NECTIN1: variants seen among roughly 807,000 people sequenced by gnomAD.
NECTIN1 encodes nectin-1.
NECTIN1 carries 23 observed loss-of-function variants against 48.0 expected under a neutral mutation model. The ratio of observed to expected loss-of-function variants is 0.48; its 90% CI spans 0.34 to 0.68. The LOEUF (loss-of-function observed/expected upper bound fraction) is 0.68, where lower values mean the gene tolerates loss of function less well. Among genes scored for constraint, NECTIN1 ranks in the 30% least tolerant of loss-of-function variants. The pLI is 0.01. For synonymous variants in NECTIN1, 270 were observed against 288.9 expected, an observed-to-expected ratio of 0.93 and a Z score of 0.66; for missense variants, 591 against 709.9, an observed-to-expected ratio of 0.83 and a Z score of 1.90.
At chr11:119,706,647 G>A (rs757943707) in intron 1 of NECTIN1, among the ~76,000 whole-genome samples, 6 of 152,188 alleles carry the variant, frequency 3.9e-5, no homozygotes, top group South Asian at 2.1e-4. Context: ...GCTTCTAATC[G>A]CTTGGAAATG....
chr11:119,674,099 G>A (rs1864905361), intron 5 of NECTIN1, among the ~76,000 whole-genome samples: 1 of 152,194 alleles, frequency 6.6e-6, no homozygotes, highest in Non-Finnish European at 1.5e-5. Context: ...CCGAGACACT[G>A]GCTCAGAGCT....
chr11:119,722,071 C>A (rs181053680), intron 1 of NECTIN1, among the ~76,000 whole-genome samples: 1 of 152,356 alleles, frequency 6.6e-6, no homozygotes, highest in Non-Finnish European at 1.5e-5. Context: ...TGTCCATTCC[C>A]GATCTTTTCA....
intron 5 of NECTIN1, among the ~76,000 whole-genome samples, chr11:119,649,152 G>A (rs186866932): frequency 6.6e-5 from 10 of 152,294 alleles, no homozygotes; most frequent in African/African-American, 1.2e-4. Flanking sequence ...AGGCAGAGGC[G>A]GACAGATCAC....
chr11:119,675,736 G>T, intron 4 of NECTIN1: 1 of 213,674 alleles, frequency 4.7e-6, no homozygotes, highest in Non-Finnish European at 9.6e-6. Context: ...AGCCAGGTGT[G>T]GTGGCTCACG....
At chr11:119,647,597 CCTAA>C (rs1240859549) in intron 5 of NECTIN1, among the ~76,000 whole-genome samples, 3 of 152,060 alleles carry the variant, frequency 2.0e-5, no homozygotes, top group Non-Finnish European at 2.9e-5. Context: ...TCTCCTAGCT[CCTAA>C]CTCTTTCCTC....
In NECTIN1 at chr11:119,664,187, A is replaced by AC. The variant is rs1256234900; in HGVS notation, c.*559dup. The AC allele has an allele frequency of 2.6e-5, 26 of 986,198 alleles. No homozygotes were observed. Among genetic ancestry groups the AC allele is most frequent in the Non-Finnish European group, 2.9e-5 (24 of 830,522 alleles). 61.1% of individuals were successfully genotyped at this position (986,198 alleles called of 1,614,324 possible). A position where few individuals can be genotyped will look rare whatever the true frequency, so the allele number is the denominator to read the frequency against. ...TCCCTGGGAACTGGGGAGAAGCCGC[A>AC]CCCCTCCCCCTACCTCTTGGGCGCA... On this transcript the variant is annotated 3_prime_UTR_variant, in exon 6 of 6. Transcript: ENST00000264025.
intron 5 of NECTIN1, chr11:119,654,115 T>C (rs976616505): frequency 2.0e-5 from 3 of 152,170 alleles, no homozygotes; most frequent in Admixed American, 2.0e-4. Flanking sequence ...ATCACCAAGA[T>C]AAAACATTGC....
intron 5 of NECTIN1, among the ~76,000 whole-genome samples, chr11:119,652,840 T>C (rs1217610367): frequency 6.6e-6 from 1 of 152,146 alleles, no homozygotes; most frequent in Non-Finnish European, 1.5e-5. Context: ...CATACAAGAA[T>C]GTTTGTAGCA....
rs1864962682 is a variant in NECTIN1, at chr11:119,677,011, A to C, written c.851+91T>G. On this transcript the variant is annotated intron_variant, in intron 4 of 5. Coordinates refer to ENST00000264025, the MANE Select transcript of NECTIN1 (RefSeq NM_002855.5). The surrounding 1 kb of genome is among the most constrained non-coding windows in gnomAD (Gnocchi z 5.4). ...CCAGACCCTAATTTCTTCCCTGCCT[A>C]AAGGCTCCTGGAGGTAGGATGGTTG... 1.7e-6 allele frequency: 2 copies of C among 1,151,148 alleles called. No homozygotes were observed. The highest frequency in any genetic ancestry group is 2.6e-6 in the Non-Finnish European group (2 of 760,220). The allele number at this position is 1,151,148 out of a possible 1,614,324, so 71.3% of individuals were successfully genotyped here. A position where few individuals can be genotyped will look rare whatever the true frequency, so the allele number is the denominator to read the frequency against.
chr11:119,701,536 C>T (rs1344082308), intron 1 of NECTIN1, among the ~76,000 whole-genome samples: 1 of 152,000 alleles, frequency 6.6e-6, no homozygotes. Context: ...TGAGTGACAC[C>T]TCTTCTGTCC....
chr11:119,678,565 G>A lies in NECTIN1; in HGVS notation c.280C>T (p.Arg94Cys), dbSNP rs1409224995. The A allele has an allele frequency of 1.2e-6, 2 of 1,614,220 alleles. No individual in the cohort carries two copies. The highest frequency in any genetic ancestry group is 1.7e-6 in the Non-Finnish European group (2 of 1,180,046). Residue 94 changes from arginine (R) to cysteine (C), a missense_variant, in exon 2 of 6, where the codon CGC becomes TGC. Transcript: ENST00000264025. This position sits in a 1 kb window ranked among gnomAD's most constrained non-coding sequence, Gnocchi z 4.4. ...GGCCGCAGGAATTCCACACGCTCGC[G>A]GTAGGGAGCCAGCACGGACACGCCC... is the stretch of plus-strand genomic sequence containing the variant. ...SMGVSVLAPY[R>C]ERVEFLRPSF...
chr11:119,699,980 C>G (rs2135569846), intron 1 of NECTIN1, among the ~76,000 whole-genome samples: 1 of 152,306 alleles, frequency 6.6e-6, no homozygotes, highest in African/African-American at 2.4e-5. Flanking sequence ...CCACCCCAGC[C>G]CCTGAGGTGT....
At chr11:119,653,038 T>C (rs1047228558) in intron 5 of NECTIN1, among the ~76,000 whole-genome samples, 2 of 152,146 alleles carry the variant, frequency 1.3e-5, no homozygotes, top group African/African-American at 4.8e-5. Context: ...TTGTATTCTA[T>C]GAATAGAATA....
chr11:119,724,772 A>C (rs1474128586), intron 1 of NECTIN1, among the ~76,000 whole-genome samples: 1 of 152,178 alleles, frequency 6.6e-6, no homozygotes, highest in Non-Finnish European at 1.5e-5. Flanking sequence ...TCACCAACAC[A>C]AACACCAAAG....
At chr11:119,724,332 GC>G (rs1404989775) in intron 1 of NECTIN1, among the ~76,000 whole-genome samples, 1 of 152,162 alleles carries the variant, frequency 6.6e-6, no homozygotes, top group East Asian at 1.9e-4. Flanking sequence ...TGCTATGCCT[GC>G]CAGGGAGACA....
At chr11:119,671,212 C>T (rs1207455956) in intron 5 of NECTIN1, among the ~76,000 whole-genome samples, 2 of 151,726 alleles carry the variant, frequency 1.3e-5, no homozygotes, top group African/African-American at 2.4e-5. Context: ...AGCTGTTACA[C>T]TCAGCCAGTA....
intron 5 of NECTIN1, chr11:119,642,792 A>G (rs1864345897): frequency 6.5e-6 from 1 of 153,826 alleles, no homozygotes; most frequent in African/African-American, 2.4e-5. Flanking sequence ...TAGATTACTC[A>G]TAATACCTGG....
intron 1 of NECTIN1, among the ~76,000 whole-genome samples, chr11:119,722,711 GCAC>G (rs543655922): frequency 1.0e-3 from 156 of 152,370 alleles, no homozygotes; most frequent in African/African-American, 3.6e-3. Context: ...TTCCCAAGTA[GCAC>G]CTGGCTGGGG....
At chr11:119,645,609 G>T (rs998612607) in intron 5 of NECTIN1, among the ~76,000 whole-genome samples, 1 of 152,170 alleles carries the variant, frequency 6.6e-6, no homozygotes. Context: ...CCAAGGTCCA[G>T]TCAGGCCCAT....
Sources: gnomAD v4.1 joint callset for allele counts (sites outside exome capture counted in the v4.1 genomes callset) on GRCh38, gnomAD v4.1.1 for gene constraint, Gnocchi (gnomAD v3.1) non-coding constraint, MANE v1.5 for transcripts, NCBI Gene and HGNC (gene_info 2026-07-23, HGNC 2026-07-21) for gene names.